Variants in MAPK10 observed in about 807,000 individuals in gnomAD.
MAPK10 encodes the protein JNK3 alpha protein kinase.
A neutral mutation model predicts 59.3 loss-of-function variants in MAPK10; 25 were observed. The ratio of observed to expected loss-of-function variants is 0.42; its 90% CI spans 0.31 to 0.59. MAPK10 has a LOEUF of 0.59. Ranked by LOEUF, MAPK10 falls within the 20% of genes least tolerant of loss-of-function variation. The pLI, the probability that MAPK10 is intolerant of heterozygous loss-of-function variation, is 0.15. For missense variants in MAPK10, 351 were observed against 568.9 expected (o/e 0.62, Z 3.90); for synonymous variants, 190 against 200.5 (o/e 0.95, Z 0.44).
intron 13 of MAPK10, chr4:86,020,258 T>C (rs1745724517): frequency 6.6e-6 from 1 of 152,268 alleles, no homozygotes. Flanking sequence ...TGTATCTGTA[T>C]TTCATATCTT....
At chr4:86,495,426 T>C (rs1160529224) in intron 1 of MAPK10, among the ~76,000 whole-genome samples, 2 of 152,244 alleles carry the variant, frequency 1.3e-5, no homozygotes, top group Non-Finnish European at 2.9e-5. Flanking sequence ...AAGGAAATCC[T>C]AGATATCATA....
At chr4:86,043,415 G>T (rs569890883) in intron 11 of MAPK10, among the ~76,000 whole-genome samples, 26 of 152,218 alleles carry the variant, frequency 1.7e-4, no homozygotes, top group African/African-American at 6.0e-4. Context: ...CACCTAAGAG[G>T]CCACTGGTGA....
chr4:86,427,668 C>T (rs1327862244), intron 1 of MAPK10, among the ~76,000 whole-genome samples: 1 of 152,216 alleles, frequency 6.6e-6, no homozygotes. Flanking sequence ...CATTCTCTAA[C>T]TTATATTGAC....
intron 1 of MAPK10, among the ~76,000 whole-genome samples, chr4:86,585,410 A>T (rs1233063854): frequency 6.6e-6 from 1 of 152,202 alleles, no homozygotes; most frequent in African/African-American, 2.4e-5. Context: ...TGTTCCCTTT[A>T]ACAAAAACTA....
intron 13 of MAPK10, chr4:86,027,780 C>T (rs1751102038): frequency 6.6e-6 from 1 of 152,190 alleles, no homozygotes; most frequent in Admixed American, 6.5e-5. Context: ...AATGAAATTA[C>T]AATCAATACG....
chr4:86,548,788 C>G (rs571556407), intron 1 of MAPK10, among the ~76,000 whole-genome samples: 1 of 152,308 alleles, frequency 6.6e-6, no homozygotes, highest in Admixed American at 6.5e-5. Flanking sequence ...TGAGATTCCA[C>G]TAGACCACAA....
At chr4:86,176,461 T>A (rs906047212) in intron 3 of MAPK10, among the ~76,000 whole-genome samples, 2 of 152,100 alleles carry the variant, frequency 1.3e-5, no homozygotes, top group African/African-American at 4.8e-5. Context: ...TTAAACCAAT[T>A]CAAAAAGAAG....
chr4:86,163,795 A>G (rs994154300), intron 3 of MAPK10, among the ~76,000 whole-genome samples: 1 of 152,172 alleles, frequency 6.6e-6, no homozygotes, highest in African/African-American at 2.4e-5. Flanking sequence ...AGTGGAAGCA[A>G]TGCAGATCGA....
intron 4 of MAPK10, among the ~76,000 whole-genome samples, chr4:86,156,428 C>A (rs1479950868): frequency 6.6e-6 from 1 of 151,934 alleles, no homozygotes; most frequent in African/African-American, 2.4e-5. Context: ...CATCATCTTG[C>A]AAAATTGAAT....
intron 4 of MAPK10, chr4:86,152,466 A>C (rs2066715247): frequency 6.6e-6 from 1 of 152,216 alleles, no homozygotes; most frequent in Non-Finnish European, 1.5e-5. Flanking sequence ...AACTTACTTG[A>C]CAAGGTCAAA....
At chr4:86,481,977 GA>G (rs1753647710) in intron 1 of MAPK10, among the ~76,000 whole-genome samples, 1 of 152,128 alleles carries the variant, frequency 6.6e-6, no homozygotes, top group Admixed American at 6.5e-5. Flanking sequence ...CCACTGGAAA[GA>G]ATAACCGTAA....
intron 2 of MAPK10, among the ~76,000 whole-genome samples, chr4:86,228,220 TA>T (rs2090977757): frequency 2.0e-5 from 3 of 152,148 alleles, no homozygotes; most frequent in Admixed American, 1.3e-4. Flanking sequence ...GAGAGTTTGA[TA>T]AAGGAAATGG....
At chr4:86,204,230 GCCAAA>G (rs1381411723) in intron 2 of MAPK10, among the ~76,000 whole-genome samples, 2 of 151,754 alleles carry the variant, frequency 1.3e-5, no homozygotes, top group East Asian at 3.9e-4. Context: ...CGATAGAAAG[GCCAAA>G]CTAATTTAAT....
At chr4:86,236,051 C>T (rs1361450450) in intron 2 of MAPK10, among the ~76,000 whole-genome samples, 1 of 152,068 alleles carries the variant, frequency 6.6e-6, no homozygotes, top group African/African-American at 2.4e-5. Context: ...ATTCCTGGTC[C>T]GTGGCCCCTT....
chr4:86,176,622 T>TA (rs2075734688), intron 3 of MAPK10, among the ~76,000 whole-genome samples: 2 of 147,872 alleles, frequency 1.4e-5, no homozygotes, highest in Non-Finnish European at 3.0e-5. Flanking sequence ...TCATTAACTA[T>TA]AATAACTACT....
chr4:86,090,745 A>G (rs145844959), intron 9 of MAPK10: 51 of 152,288 alleles, frequency 3.3e-4, no homozygotes, highest in African/African-American at 1.2e-3. Flanking sequence ...TGGATTATCT[A>G]TATTTTATAG....
chr4:86,089,529 G>A (rs1215060870), intron 9 of MAPK10: 3 of 358,618 alleles, frequency 8.4e-6, no homozygotes, highest in Non-Finnish European at 1.5e-5. Context: ...ATATTACTTT[G>A]CAATTATAAC....
chr4:86,483,521 C>T (rs963522426), intron 1 of MAPK10, among the ~76,000 whole-genome samples: 4 of 151,888 alleles, frequency 2.6e-5, no homozygotes, highest in East Asian at 1.9e-4. Context: ...GCAGAAAGAC[C>T]GCTAAGCCGC....
intron 2 of MAPK10, among the ~76,000 whole-genome samples, chr4:86,222,192 T>TTAAAAA (rs2089787518): frequency 6.6e-6 from 1 of 152,202 alleles, no homozygotes; most frequent in Non-Finnish European, 1.5e-5. Flanking sequence ...CCTCTTTTCT[T>TTAAAAA]TATTAATTAC....
Sources: allele counts gnomAD v4.1 joint callset (sites outside exome capture counted in the v4.1 genomes callset), GRCh38; gene constraint gnomAD v4.1.1; transcripts MANE v1.5; gene names NCBI Gene and HGNC (gene_info 2026-07-23, HGNC 2026-07-21).